Variants in KYNU observed in about 807,000 individuals in gnomAD.
The protein encoded by KYNU is L-kynurenine hydrolase.
KYNU carries 54 observed loss-of-function variants against 59.2 expected under a neutral mutation model. That is an observed-to-expected ratio of 0.91 (90% confidence interval 0.73 to 1.14). The LOEUF (loss-of-function observed/expected upper bound fraction) is 1.14, where lower values mean the gene tolerates loss of function less well. Ranked by LOEUF, KYNU falls within the 50% of genes most tolerant of loss-of-function variation. KYNU has a pLI of 0.00. For synonymous variants in KYNU, 177 were observed against 192.0 expected (o/e 0.92, Z 0.65); for missense variants, 567 against 554.4 (o/e 1.02, Z -0.23).
intron 10 of KYNU, among the ~76,000 whole-genome samples, chr2:142,992,548 GATTT>G (rs1685428402): frequency 6.6e-6 from 1 of 151,614 alleles, no homozygotes; most frequent in Non-Finnish European, 1.5e-5. Flanking sequence ...CTTTAAAATT[GATTT>G]ATTTAAGTGG....
intron 10 of KYNU, among the ~76,000 whole-genome samples, chr2:143,024,063 A>C (rs554306307): frequency 1.3e-5 from 2 of 152,006 alleles, no homozygotes; most frequent in East Asian, 3.9e-4. Flanking sequence ...AATGTAAAAT[A>C]AAGCAAGATG....
At chr2:143,029,581 A>G in intron 10 of KYNU, 46 bp from the exon 11 acceptor site, 1 of 1,252,934 alleles carries the variant, frequency 8.0e-7, no homozygotes. Context: ...GCAAGACTCC[A>G]TCCAAAAAAA....
intron 10 of KYNU, among the ~76,000 whole-genome samples, chr2:143,010,637 C>T (rs1686062913): frequency 6.8e-6 from 1 of 146,048 alleles, no homozygotes; most frequent in African/African-American, 2.6e-5. Context: ...AAGCTGGAGG[C>T]ATCACACTAC....
At chr2:142,947,199 G>A in intron 4 of KYNU, 1 of 1,550,742 alleles carries the variant, frequency 6.4e-7, no homozygotes, top group South Asian at 1.2e-5. Context: ...CACCTCTGAG[G>A]TTCCCAAGAA....
At chr2:142,972,811 T>TAGAGAG (rs1269873595) in intron 8 of KYNU, among the ~76,000 whole-genome samples, 21 of 132,324 alleles carry the variant, frequency 1.6e-4, no homozygotes, top group East Asian at 1.5e-3. Context: ...TATATATATA[T>TAGAGAG]ATAGAGAGAG....
rs1298749228 is a variant in KYNU, at chr2:143,012,492, A to G, written c.903-17135A>G. On this transcript the variant is annotated intron_variant, in intron 10 of 13. Coordinates refer to ENST00000264170, the MANE Select transcript of KYNU (RefSeq NM_003937.3). ...AGCATGACTCCATCTCCAAAAAACA[A>G]AAAAAAAAAAAAAGAAAGAAAGAAA... Among the ~76,000 whole-genome samples the G allele has an allele frequency of 2.8e-5, 4 of 145,304 alleles. No individual in the cohort carries two copies. In the East Asian group the frequency reaches 7.8e-4, roughly 29 times the overall value.
At chr2:142,950,908 G>T (rs1455872431) in intron 4 of KYNU, among the ~76,000 whole-genome samples, 1 of 152,120 alleles carries the variant, frequency 6.6e-6, no homozygotes, top group Non-Finnish European at 1.5e-5. Flanking sequence ...AAAGGCCATT[G>T]TAGGGTTATT....
chr2:143,025,317 C>T (rs1243044619), intron 10 of KYNU, among the ~76,000 whole-genome samples: 3 of 151,872 alleles, frequency 2.0e-5, no homozygotes, highest in East Asian at 1.9e-4. Context: ...TGGTGCTATA[C>T]CCAGTTCTTT....
intron 10 of KYNU, among the ~76,000 whole-genome samples, chr2:143,027,612 T>G (rs924802007): frequency 6.6e-6 from 1 of 152,196 alleles, no homozygotes; most frequent in Non-Finnish European, 1.5e-5. Context: ...GGGACAAATA[T>G]CACTTCTCTT....
At chr2:142,972,013 A>G (rs1028907577) in intron 8 of KYNU, among the ~76,000 whole-genome samples, 1 of 152,182 alleles carries the variant, frequency 6.6e-6, no homozygotes, top group African/African-American at 2.4e-5. Context: ...TCCCATCTTG[A>G]GTCTCAGAAA....
At chr2:142,950,570 G>C (rs1683955429) in intron 4 of KYNU, among the ~76,000 whole-genome samples, 1 of 151,838 alleles carries the variant, frequency 6.6e-6, no homozygotes, top group Admixed American at 6.6e-5. Context: ...TCACTATCAG[G>C]AGGACAGCAC....
At chr2:142,975,360 A>C (rs1227787721) in intron 8 of KYNU, among the ~76,000 whole-genome samples, 1 of 151,970 alleles carries the variant, frequency 6.6e-6, no homozygotes, top group Non-Finnish European at 1.5e-5. Flanking sequence ...TCCTCATCCC[A>C]CTGAGATCCC....
chr2:142,906,092 C>T (rs1312270875), intron 2 of KYNU, among the ~76,000 whole-genome samples: 3 of 151,448 alleles, frequency 2.0e-5, no homozygotes, highest in Non-Finnish European at 4.4e-5. Flanking sequence ...CTCTCTCTCT[C>T]ATCTCTGTCT....
chr2:142,917,139 C>T (rs910512609), intron 2 of KYNU, among the ~76,000 whole-genome samples: 1 of 152,058 alleles, frequency 6.6e-6, no homozygotes, highest in South Asian at 2.1e-4. Flanking sequence ...GACTGGTGTA[C>T]ATTAATCCTG....
intron 1 of KYNU, chr2:142,881,433 A>G (rs1238074398): frequency 6.6e-6 from 1 of 152,242 alleles, no homozygotes; most frequent in Non-Finnish European, 1.5e-5. Flanking sequence ...TCGAGAGTGT[A>G]AGAAGAATGT....
At chr2:143,012,936 A>G (rs1176743521) in intron 10 of KYNU, among the ~76,000 whole-genome samples, 2 of 152,146 alleles carry the variant, frequency 1.3e-5, no homozygotes, top group South Asian at 2.1e-4. Context: ...GATTTCATAC[A>G]TAAGTGAGAT....
At chr2:143,028,995 ATTGT>A (rs759040455) in intron 10 of KYNU, among the ~76,000 whole-genome samples, 2 of 152,180 alleles carry the variant, frequency 1.3e-5, no homozygotes, top group Non-Finnish European at 2.9e-5. Flanking sequence ...TATTGTATTA[ATTGT>A]TTGACCTTTT....
At position 143,046,259 on chromosome 2, in the gene KYNU, GT is replaced by G. The variant is rs1438273140; in HGVS notation, c.*4089del. 1.3e-5 allele frequency: 2 copies of G among 151,972 alleles called. No individual in the cohort carries two copies. The highest frequency in any genetic ancestry group is 3.9e-4 in the East Asian group (2 of 5,190). 9.4% of individuals were successfully genotyped at this position (151,972 alleles called of 1,614,324 possible). ...CATAAAAATCTATTAGCTAATTTTG[GT>G]TGTGCATGAATATTGTATCAATGCA... On this transcript the variant is annotated 3_prime_UTR_variant, in exon 14 of 14. Transcript: ENST00000264170.
intron 1 of KYNU, among the ~76,000 whole-genome samples, chr2:142,883,521 C>T (rs1019526074): frequency 4.6e-5 from 7 of 152,054 alleles, no homozygotes; most frequent in African/African-American, 1.4e-4. Flanking sequence ...TGACTACCTT[C>T]TGCCTTTGTT....
Sources: allele counts gnomAD v4.1 joint callset (sites outside exome capture counted in the v4.1 genomes callset), GRCh38; gene constraint gnomAD v4.1.1; transcripts MANE v1.5; gene names NCBI Gene and HGNC (gene_info 2026-07-23, HGNC 2026-07-21).